The following CARMIL1 variants were observed in gnomAD, a reference collection of about 807,000 sequenced individuals.
CARMIL1 encodes the protein F-actin-uncapping protein LRRC16A.
CARMIL1 carries 90 observed loss-of-function variants against 177.1 expected under a neutral mutation model. The ratio of observed to expected loss-of-function variants is 0.51; its 90% CI spans 0.43 to 0.61. CARMIL1 has a LOEUF of 0.61. Ranked by LOEUF, CARMIL1 falls within the 20% of genes least tolerant of loss-of-function variation. The pLI, the probability that CARMIL1 is intolerant of heterozygous loss-of-function variation, is 0.00. For missense variants in CARMIL1, 1,380 were observed against 1,667.0 expected (o/e 0.83, Z 3.00); for synonymous variants, 577 against 606.2 (o/e 0.95, Z 0.71).
At chr6:25,324,431 C>T (rs997891772) in intron 2 of CARMIL1, among the ~76,000 whole-genome samples, 1 of 151,556 alleles carries the variant, frequency 6.6e-6, no homozygotes, top group Non-Finnish European at 1.5e-5. Flanking sequence ...ATATTAAACA[C>T]CCTGATCAGA....
intron 26 of CARMIL1, among the ~76,000 whole-genome samples, chr6:25,550,626 C>G (rs1333876600): frequency 6.6e-6 from 1 of 152,102 alleles, no homozygotes; most frequent in East Asian, 1.9e-4. Flanking sequence ...TCGTTAATGG[C>G]TTTGTGTTAA....
Position 25,512,614 on chromosome 6 carries a change from A to G in CARMIL1, c.1632+1852A>G, listed in dbSNP as rs551903263. ...AAAAAATAATCTCTTTACTTTTTAC[A>G]TTCTGACCTGGTGTTTGTAGAGCTT... On this transcript the variant is annotated intron_variant, in intron 20 of 36. Coordinates refer to ENST00000329474, the MANE Select transcript of CARMIL1 (RefSeq NM_017640.6). 2.6e-5 allele frequency among the ~76,000 whole-genome samples: 4 copies of G among 152,302 alleles called. No individual in the cohort carries two copies. The South Asian group carries it at 8.3e-4, about 32-fold the overall frequency.
chr6:25,574,992 G>A (rs1244913595), intron 29 of CARMIL1, among the ~76,000 whole-genome samples: 1 of 152,204 alleles, frequency 6.6e-6, no homozygotes, highest in Non-Finnish European at 1.5e-5. Context: ...GATTGGCACT[G>A]TTTGCCAGAC....
chr6:25,396,728 T>G (rs1793434640), intron 2 of CARMIL1, among the ~76,000 whole-genome samples: 1 of 152,190 alleles, frequency 6.6e-6, no homozygotes, highest in Non-Finnish European at 1.5e-5. Context: ...TTAACAACCT[T>G]TGCTGTCAGT....
At chr6:25,550,800 G>C in intron 26 of CARMIL1, 110 bp from the exon 27 acceptor site, 2 of 950,432 alleles carry the variant, frequency 2.1e-6, no homozygotes, top group East Asian at 2.4e-5. Flanking sequence ...ACTCCGTCGT[G>C]CTCCTGTTCT....
intron 2 of CARMIL1, among the ~76,000 whole-genome samples, chr6:25,381,381 C>T (rs1402345213): frequency 6.6e-6 from 1 of 152,162 alleles, no homozygotes; most frequent in Non-Finnish European, 1.5e-5. Flanking sequence ...TTTTTCCACA[C>T]CAACAACCAA....
intron 32 of CARMIL1, 99 bp from the exon 33 acceptor site, chr6:25,600,215 C>A: frequency 9.0e-7 from 1 of 1,110,148 alleles, no homozygotes; most frequent in Non-Finnish European, 1.3e-6. Flanking sequence ...TGAATGGTTA[C>A]TGTATATGTA....
intron 11 of CARMIL1, among the ~76,000 whole-genome samples, chr6:25,480,384 T>C (rs1801968518): frequency 1.3e-5 from 2 of 151,928 alleles, no homozygotes; most frequent in African/African-American, 4.8e-5. Flanking sequence ...TTTAGAGTAA[T>C]TGTATCTTCT....
intron 2 of CARMIL1, among the ~76,000 whole-genome samples, chr6:25,398,697 C>T (rs1793633530): frequency 6.6e-6 from 1 of 152,118 alleles, no homozygotes; most frequent in Non-Finnish European, 1.5e-5. Flanking sequence ...CATGAACAAG[C>T]CCTTCCAGAA....
At chr6:25,455,404 G>C (rs1207267146) in intron 8 of CARMIL1, among the ~76,000 whole-genome samples, 1 of 152,194 alleles carries the variant, frequency 6.6e-6, no homozygotes, top group Non-Finnish European at 1.5e-5. Context: ...TGGAAATTCA[G>C]TGAGGGCCAG....
chr6:25,556,887 C>T, intron 29 of CARMIL1, 37 bp downstream of exon 29: 2 of 1,580,082 alleles, frequency 1.3e-6, no homozygotes, highest in African/African-American at 1.4e-5. Flanking sequence ...TTACCCTTTT[C>T]ACTGGACTGT....
intron 2 of CARMIL1, among the ~76,000 whole-genome samples, chr6:25,314,146 T>A (rs1444341144): frequency 6.9e-6 from 1 of 144,894 alleles, no homozygotes; most frequent in African/African-American, 2.6e-5. Flanking sequence ...ACTTAAAGAT[T>A]ATATATGTGG....
chr6:25,588,611 T>G (rs951530623), intron 31 of CARMIL1, among the ~76,000 whole-genome samples: 2 of 152,230 alleles, frequency 1.3e-5, no homozygotes, highest in African/African-American at 2.4e-5. Context: ...GATGGAGGCA[T>G]GCTTATACTC....
chr6:25,594,659 G>A, intron 32 of CARMIL1, 132 bp downstream of exon 32: 1 of 601,724 alleles, frequency 1.7e-6, no homozygotes, highest in South Asian at 2.1e-5. Flanking sequence ...TGCAAAATAT[G>A]GTCTCTGGGC....
chr6:25,448,410 G>C (rs1315048111), intron 5 of CARMIL1, among the ~76,000 whole-genome samples: 2 of 152,096 alleles, frequency 1.3e-5, no homozygotes, highest in Non-Finnish European at 2.9e-5. Context: ...GTAAGCATGG[G>C]CTTTCTCATC....
In CARMIL1 at chr6:25,299,473, A is replaced by C. The variant is rs148782629; in HGVS notation, c.138+14564A>C. ...AGGCCTAAGTCACAGCACCCGGCCCATGCTGGGTTCTTAATCTCCAGGCTG... is the reference window on the plus strand; with the variant it reads ...AGGCCTAAGTCACAGCACCCGGCCCCTGCTGGGTTCTTAATCTCCAGGCTG... On this transcript the variant is annotated intron_variant, in intron 2 of 36. Transcript: ENST00000329474. Among the ~76,000 whole-genome samples the C allele has an allele frequency of 3.6e-3, 546 of 151,666 alleles. 2 individuals carry two copies. The highest frequency in any genetic ancestry group is 0.013 in the African/African-American group (528 of 41,410).
At chr6:25,526,193 A>ATAAG (rs1807104991) in intron 23 of CARMIL1, among the ~76,000 whole-genome samples, 1 of 132,994 alleles carries the variant, frequency 7.5e-6, no homozygotes, top group Non-Finnish European at 1.7e-5. Flanking sequence ...AAATAAATAA[A>ATAAG]TAAGCCAGGC....
At chr6:25,612,098 A>C (rs985739532) in intron 36 of CARMIL1, among the ~76,000 whole-genome samples, 3 of 152,176 alleles carry the variant, frequency 2.0e-5, no homozygotes, top group African/African-American at 7.2e-5. Flanking sequence ...CCCATCTGGG[A>C]TCCAGAATAA....
At position 25,523,991 on chromosome 6, in the gene CARMIL1, G is replaced by A. The variant is rs139036105; in HGVS notation, c.1968+3654G>A. Among the ~76,000 whole-genome samples, 326 of 152,296 alleles carry A rather than the reference G, an allele frequency of 2.1e-3. 1 individual carries two copies. Among genetic ancestry groups the A allele is most frequent in the Middle Eastern group, 0.014 (4 of 294 alleles). ...TTTCCATGAGTCCCAATGGGCTATCGCAGTAAAGATTGGAGAAAAATTTCC... is the reference window on the plus strand; with the variant it reads ...TTTCCATGAGTCCCAATGGGCTATCACAGTAAAGATTGGAGAAAAATTTCC... On this transcript the variant is annotated intron_variant, in intron 23 of 36. Coordinates refer to ENST00000329474, the MANE Select transcript of CARMIL1 (RefSeq NM_017640.6).
Sources: allele counts gnomAD v4.1 joint callset (sites outside exome capture counted in the v4.1 genomes callset), GRCh38; gene constraint gnomAD v4.1.1; transcripts MANE v1.5; gene names NCBI Gene and HGNC (gene_info 2026-07-23, HGNC 2026-07-21).